Variants in CSTL1 observed in about 807,000 individuals in gnomAD.
CSTL1 encodes the protein cystatin like 1.
A neutral mutation model predicts 14.4 loss-of-function variants in CSTL1; 14 were observed. That is an observed-to-expected ratio of 0.97 (90% CI 0.64 to 1.52). The LOEUF is 1.52. Ranked by LOEUF, CSTL1 falls within the 40% of genes most tolerant of loss-of-function variation. The pLI is 0.00. For missense variants in CSTL1, 170 were observed against 168.7 expected (o/e 1.01, Z -0.04); for synonymous variants, 72 against 67.5 (o/e 1.07, Z -0.33).
the CSTL1 span, chr20:23,450,477 A>G: frequency 3.4e-6 from 5 of 1,479,936 alleles, no homozygotes; most frequent in African/African-American, 1.4e-5. Flanking sequence ...TCTCACATGC[A>G]GTGGCCGCAG....
the CSTL1 span, chr20:23,450,436 A>G: frequency 1.8e-5 from 17 of 927,902 alleles, no homozygotes; most frequent in Non-Finnish European, 2.5e-5. Context: ...TTTATTGCCT[A>G]TATTAAGGAT....
chr20:23,444,001 C>T lies in CSTL1; in HGVS notation c.287C>T (p.Thr96Met), dbSNP rs3746737. ...IGWTKCKRND[T>M]SNSSCPLQSK... is the part of the protein sequence containing the mutation. ...TGGACCAAATGCAAGAGGAATGACA[C>T]GAGCAATTCTTCCTGCCCCCTGCAA... is the stretch of plus-strand genomic sequence containing the variant. The change falls in exon 3 of 4, where the codon ACG becomes ATG. Residue 96 changes from threonine (T) to methionine (M), a missense_variant. Thr to Met is a moderately conservative substitution (Grantham distance 81). Coordinates refer to ENST00000347397, the MANE Select transcript of CSTL1 (RefSeq NM_138283.1). 0.085 allele frequency: 136,933 copies of T among 1,612,462 alleles called. 7,153 individuals carry two copies. Among genetic ancestry groups the T allele is most frequent in the East Asian group, 0.27 (11,968 of 44,788 alleles).
At chr20:23,455,818 C>T in the CSTL1 span, among the ~76,000 whole-genome samples, 12 of 152,354 alleles carry the variant, frequency 7.9e-5, no homozygotes, top group African/African-American at 2.2e-4. Context: ...GTCAGTGGCC[C>T]GTGGGTTCTC....
chr20:23,450,360 G>T, the CSTL1 span: 1 of 567,948 alleles, frequency 1.8e-6, no homozygotes, highest in East Asian at 3.0e-5. Context: ...ATGAGCTGAA[G>T]AATTTGGATA....
intron 2 of CSTL1, among the ~76,000 whole-genome samples, chr20:23,441,784 T>G (rs1305350361): frequency 2.0e-5 from 3 of 152,166 alleles, no homozygotes. Context: ...GGGCTGACTG[T>G]AGAAGTTGGG....
the CSTL1 span, among the ~76,000 whole-genome samples, chr20:23,453,229 T>C: frequency 7.2e-6 from 1 of 138,070 alleles, no homozygotes; most frequent in African/African-American, 2.7e-5. Context: ...GTGGGCACTG[T>C]GGGGAGGGGC....
At position 23,444,007 on chromosome 20, in the gene CSTL1, A is replaced by G. The variant is rs151114691; in HGVS notation, c.293A>G (p.Asn98Ser). ...AAATGCAAGAGGAATGACACGAGCA[A>G]TTCTTCCTGCCCCCTGCAAAGCAAG... Reference protein sequence around the residue: ...WTKCKRNDTSNSSCPLQSKKL... With the variant: ...WTKCKRNDTSSSSCPLQSKKL... Residue 98 changes from asparagine (N) to serine (S), a missense_variant, in exon 3 of 4, where the codon AAT (asparagine) becomes AGT (serine). By Grantham distance (46) the Asn-to-Ser change is conservative (BLOSUM62 1). Transcript: ENST00000347397. 8.7e-5 allele frequency: 140 copies of G among 1,614,050 alleles called. No individual in the cohort carries two copies. The highest frequency in any genetic ancestry group is 1.1e-4 in the Non-Finnish European group (124 of 1,179,972).
chr20:23,442,775 G>A (rs1444923954), intron 2 of CSTL1, among the ~76,000 whole-genome samples: 2 of 152,156 alleles, frequency 1.3e-5, no homozygotes, highest in Non-Finnish European at 2.9e-5. Context: ...CCCCAGAGAT[G>A]ACCAAGCCCT....
intron 2 of CSTL1, among the ~76,000 whole-genome samples, chr20:23,442,920 C>T (rs73901872): frequency 0.02 from 3,080 of 152,298 alleles, 81 homozygotes; most frequent in African/African-American, 0.071. Context: ...CCGTAACCCC[C>T]AAGCTCTCTG....
At chr20:23,439,970 T>A (rs1341180737) in intron 1 of CSTL1, among the ~76,000 whole-genome samples, 164 bp downstream of exon 1, 1 of 152,200 alleles carries the variant, frequency 6.6e-6, no homozygotes. Flanking sequence ...CTGGGGCTTT[T>A]CTTCCCTGAG....
chr20:23,446,998 G>C (rs1015130993), downstream of CSTL1, among the ~76,000 whole-genome samples: 1 of 152,126 alleles, frequency 6.6e-6, no homozygotes, highest in Non-Finnish European at 1.5e-5. Flanking sequence ...AAAACAAAAA[G>C]GCCAGAAAGC....
chr20:23,458,288 G>GT, the CSTL1 span, among the ~76,000 whole-genome samples: 1 of 152,164 alleles, frequency 6.6e-6, no homozygotes, highest in Non-Finnish European at 1.5e-5. Context: ...CACAGGCATG[G>GT]AGTTGCTCTG....
downstream of CSTL1, among the ~76,000 whole-genome samples, chr20:23,445,117 C>T (rs1286878170): frequency 1.3e-5 from 2 of 152,138 alleles, no homozygotes; most frequent in Non-Finnish European, 2.9e-5. Context: ...CACACTCATC[C>T]ACCCGCCCAC....
downstream of CSTL1, among the ~76,000 whole-genome samples, chr20:23,448,889 A>G (rs1260013229): frequency 6.6e-6 from 1 of 152,162 alleles, no homozygotes; most frequent in Admixed American, 6.5e-5. Context: ...ATCATCATCA[A>G]TCTTTACAAC....
At chr20:23,454,386 CACA>C in the CSTL1 span, among the ~76,000 whole-genome samples, 2 of 151,908 alleles carry the variant, frequency 1.3e-5, no homozygotes. Context: ...GAAACACACA[CACA>C]ACACACATAG....
chr20:23,452,855 C>T, the CSTL1 span: 97 of 1,497,478 alleles, frequency 6.5e-5, no homozygotes, highest in Non-Finnish European at 8.8e-5. Flanking sequence ...CTGTACTCCT[C>T]AGGGACAAGT....
downstream of CSTL1, among the ~76,000 whole-genome samples, chr20:23,448,176 T>A (rs1987004681): frequency 6.6e-6 from 1 of 152,218 alleles, no homozygotes; most frequent in African/African-American, 2.4e-5. Flanking sequence ...TATTTCTATC[T>A]CTTTAAACAC....
At chr20:23,450,506 C>G in the CSTL1 span, 4 of 1,609,086 alleles carry the variant, frequency 2.5e-6, no homozygotes, top group Non-Finnish European at 3.4e-6. Flanking sequence ...TCCAGGACAC[C>G]TAGTCACTGC....
chr20:23,454,083 A>G, the CSTL1 span, among the ~76,000 whole-genome samples: 1 of 151,966 alleles, frequency 6.6e-6, no homozygotes. Context: ...ATGCACACAT[A>G]CACACTGAAA....
Sources: allele counts gnomAD v4.1 joint callset (sites outside exome capture counted in the v4.1 genomes callset), GRCh38; gene constraint gnomAD v4.1.1; transcripts MANE v1.5; gene names NCBI Gene and HGNC (gene_info 2026-07-23, HGNC 2026-07-21).